Variants in ZNF385D observed in about 807,000 individuals in gnomAD.
The protein encoded by ZNF385D is zinc finger protein 659.
ZNF385D carries 15 observed loss-of-function variants against 35.8 expected under a neutral mutation model. The ratio of observed to expected loss-of-function variants is 0.42; its 90% confidence interval spans 0.28 to 0.64. ZNF385D has a LOEUF of 0.64. Among genes scored for constraint, ZNF385D ranks in the 30% least tolerant of loss-of-function variants. The pLI, the probability that ZNF385D is intolerant of heterozygous loss-of-function variation, is 0.23. For synonymous variants in ZNF385D, 212 were observed against 186.8 expected (o/e 1.13, Z -1.10); for missense variants, 474 against 494.6 (o/e 0.96, Z 0.39).
At chr3:21,880,478 G>T (rs145076075) in intron 3 of ZNF385D, among the ~76,000 whole-genome samples, 15 of 152,092 alleles carry the variant, frequency 9.9e-5, no homozygotes, top group African/African-American at 3.6e-4. Context: ...ACCATAAACT[G>T]TGCCTATAAG....
At chr3:22,093,752 T>A (rs1425703043) in intron 3 of ZNF385D, among the ~76,000 whole-genome samples, 2 of 152,166 alleles carry the variant, frequency 1.3e-5, no homozygotes, top group Non-Finnish European at 2.9e-5. Flanking sequence ...TACAATCATA[T>A]AATTATTATG....
chr3:21,668,439 A>T (rs2066469736), intron 1 of ZNF385D, among the ~76,000 whole-genome samples: 1 of 152,056 alleles, frequency 6.6e-6, no homozygotes, highest in South Asian at 2.1e-4. Flanking sequence ...TATATCCCTC[A>T]CGTCTCACAA....
At chr3:21,494,749 C>A (rs180815470) in intron 4 of ZNF385D, among the ~76,000 whole-genome samples, 83 of 152,264 alleles carry the variant, frequency 5.5e-4, no homozygotes, top group African/African-American at 1.7e-3. Context: ...TGTTCTCTGT[C>A]TCCTCCATTT....
chr3:21,927,769 A>C (rs899117285), intron 3 of ZNF385D, among the ~76,000 whole-genome samples: 4 of 152,236 alleles, frequency 2.6e-5, no homozygotes, highest in African/African-American at 4.8e-5. Context: ...GGGACATTTT[A>C]TTAGGGAGCT....
chr3:22,262,051 A>C (rs535470432), intron 2 of ZNF385D, among the ~76,000 whole-genome samples: 25 of 152,140 alleles, frequency 1.6e-4, no homozygotes, highest in Admixed American at 1.4e-3. Flanking sequence ...TATCATATAA[A>C]TAATTTTAAA....
At chr3:21,444,531 C>T (rs1702042919) in intron 4 of ZNF385D, among the ~76,000 whole-genome samples, 2 of 151,608 alleles carry the variant, frequency 1.3e-5, no homozygotes, top group Non-Finnish European at 2.9e-5. Flanking sequence ...ATTACAGGCA[C>T]ACACCACCAC....
chr3:21,456,341 G>A (rs777992204), intron 4 of ZNF385D, among the ~76,000 whole-genome samples: 23 of 152,120 alleles, frequency 1.5e-4, no homozygotes, highest in Middle Eastern at 3.2e-3. Context: ...TAACCCAAAC[G>A]TCCAACAATG....
chr3:22,130,450 G>A (rs1703711205), intron 3 of ZNF385D, among the ~76,000 whole-genome samples: 1 of 152,092 alleles, frequency 6.6e-6, no homozygotes, highest in Non-Finnish European at 1.5e-5. Context: ...CCACTGTGAT[G>A]GGTACAGCTA....
intron 3 of ZNF385D, among the ~76,000 whole-genome samples, chr3:21,767,819 T>A (rs899207520): frequency 2.0e-5 from 3 of 152,074 alleles, no homozygotes; most frequent in Non-Finnish European, 1.5e-5. Flanking sequence ...TTGGAACGCT[T>A]TAGTAATTAA....
chr3:21,948,158 C>A (rs1177975161), intron 3 of ZNF385D, among the ~76,000 whole-genome samples: 1 of 152,010 alleles, frequency 6.6e-6, no homozygotes, highest in Non-Finnish European at 1.5e-5. Flanking sequence ...TTCAATCCAC[C>A]ATCAAAACTG....
intron 3 of ZNF385D, among the ~76,000 whole-genome samples, chr3:21,907,854 G>A (rs182784347): frequency 3.7e-4 from 56 of 152,114 alleles, no homozygotes; most frequent in Admixed American, 3.5e-3. Context: ...GTTCTTACAG[G>A]ATACATATAT....
chr3:21,785,206 G>T (rs1258463084), intron 3 of ZNF385D, among the ~76,000 whole-genome samples: 1 of 151,976 alleles, frequency 6.6e-6, no homozygotes, highest in Non-Finnish European at 1.5e-5. Context: ...CTGGTCGGTG[G>T]TATATCTGAG....
At chr3:21,718,586 G>A (rs1047225090) in intron 1 of ZNF385D, among the ~76,000 whole-genome samples, 2 of 152,172 alleles carry the variant, frequency 1.3e-5, no homozygotes, top group African/African-American at 4.8e-5. Context: ...ATGAGAAAAT[G>A]GAACTTCATC....
chr3:21,974,951 C>G (rs1366706491), intron 3 of ZNF385D, among the ~76,000 whole-genome samples: 1 of 152,104 alleles, frequency 6.6e-6, no homozygotes, highest in Non-Finnish European at 1.5e-5. Flanking sequence ...AAACGGGAAC[C>G]CTCGAACACT....
chr3:22,197,766 G>T (rs1255296089), intron 2 of ZNF385D, among the ~76,000 whole-genome samples: 2 of 152,080 alleles, frequency 1.3e-5, no homozygotes, highest in East Asian at 3.9e-4. Context: ...ACCCTGCATG[G>T]TTTAGGATAA....
chr3:21,575,659 C>G (rs1012829578), intron 2 of ZNF385D, among the ~76,000 whole-genome samples: 3 of 152,148 alleles, frequency 2.0e-5, no homozygotes, highest in African/African-American at 7.2e-5. Flanking sequence ...TTTTGCTGAA[C>G]TCTCATCTGA....
intron 2 of ZNF385D, among the ~76,000 whole-genome samples, chr3:22,269,388 G>T (rs1002674441): frequency 6.6e-6 from 1 of 151,980 alleles, no homozygotes; most frequent in Non-Finnish European, 1.5e-5. Flanking sequence ...CCAGTAGACT[G>T]TGAGCTGCTA....
intron 1 of ZNF385D, among the ~76,000 whole-genome samples, chr3:21,716,895 G>A (rs993657424): frequency 1.3e-4 from 20 of 151,980 alleles, no homozygotes; most frequent in Admixed American, 2.6e-4. Context: ...AGGCTGAGGC[G>A]GGTGGATCAC....
intron 3 of ZNF385D, among the ~76,000 whole-genome samples, chr3:22,030,299 A>ATATATATATATCTATCTATC (rs1553591392): frequency 1.7e-5 from 2 of 114,758 alleles, no homozygotes; most frequent in Admixed American, 2.1e-4. Context: ...ATATATATAT[A>ATATATATATATCTATCTATC]TATCCTATTT....
Sources: gnomAD v4.1 joint callset for allele counts (sites outside exome capture counted in the v4.1 genomes callset) on GRCh38, gnomAD v4.1.1 for gene constraint, MANE v1.5 for transcripts, NCBI Gene and HGNC (gene_info 2026-07-23, HGNC 2026-07-21) for gene names.